ZNF850: variants seen among roughly 807,000 people sequenced by gnomAD.
ZNF850 encodes the protein putative zinc finger protein ENSP00000330994.
In ZNF850, 2 loss-of-function variants were observed where a neutral mutation model predicts 11.9. The ratio of observed to expected loss-of-function variants is 0.17; its 90% CI spans 0.07 to 0.53. The LOEUF (loss-of-function observed/expected upper bound fraction) is 0.53, where lower values mean the gene tolerates loss of function less well. ZNF850 is among the 20% of genes least tolerant of loss of function. The pLI is 0.94. For synonymous variants in ZNF850, 381 were observed against 443.0 expected, an observed-to-expected ratio of 0.86 and a Z score of 1.76; for missense variants, 1,014 against 1,316.4, an observed-to-expected ratio of 0.77 and a Z score of 3.55.
At chr19:36,753,075 G>A (rs1166988281) in intron 4 of ZNF850, among the ~76,000 whole-genome samples, 1 of 151,886 alleles carries the variant, frequency 6.6e-6, no homozygotes, top group Non-Finnish European at 1.5e-5. Context: ...TTCAAGACCA[G>A]CCTGGTCAAC....
Position 36,748,909 on chromosome 19 carries a change from TAA to T in ZNF850, c.2129_2130del (p.Phe710TyrfsTer15). 1 of 1,563,232 alleles carries T rather than the reference TAA, an allele frequency of 6.4e-7. No individual in the cohort carries two copies. On this transcript the variant is annotated frameshift_variant, in exon 5 of 5. Transcript: ENST00000591344. LOFTEE classifies it low-confidence loss of function (END_TRUNC). ...PYECKECGKS[F>X]TFCSGLIQHQ... Reference sequence around the variant, plus strand: ...TGTTGAATTAGTCCTGAGCAGAAAGTAAAAGATTTCCCACATTCTTTACATTC... The same window carrying T: ...TGTTGAATTAGTCCTGAGCAGAAAGTAAGATTTCCCACATTCTTTACATTC...
At chr19:36,755,015 G>A (rs900602995) in intron 4 of ZNF850, among the ~76,000 whole-genome samples, 1 of 152,126 alleles carries the variant, frequency 6.6e-6, no homozygotes, top group African/African-American at 2.4e-5. Flanking sequence ...ACAGGAACAC[G>A]TGAATCCCCA....
At position 36,747,674 on chromosome 19, in the gene ZNF850, A is replaced by G. The variant is rs2040420587; in HGVS notation, c.*93T>C. The G allele has an allele frequency of 3.2e-6, 4 of 1,248,322 alleles. No homozygotes were observed. In the East Asian group the frequency reaches 1.0e-4, roughly 32 times the overall value. The allele number at this position is 1,248,322 out of a possible 1,614,324, so 77.3% of individuals were successfully genotyped here. A position where few individuals can be genotyped will look rare whatever the true frequency, so the allele number is the denominator to read the frequency against. ...AAAGTCGTAATTCTGGAAAAAGTGA[A>G]TATGAAGTAATACACATCCATTGTA... is the stretch of plus-strand genomic sequence containing the variant. On this transcript the variant is annotated 3_prime_UTR_variant, in exon 5 of 5. Coordinates refer to ENST00000591344, the MANE Select transcript of ZNF850 (RefSeq NM_001193552.2).
At position 36,746,353 on chromosome 19, in the gene ZNF850, C is replaced by T. The variant is rs2040411381; in HGVS notation, c.*1414G>A. 1 of 152,176 alleles carries T rather than the reference C, an allele frequency of 6.6e-6. No individual in the cohort carries two copies. The highest frequency in any genetic ancestry group is 2.1e-4 in the South Asian group (1 of 4,826). The allele number at this position is 152,176 out of a possible 1,614,324, so 9.4% of individuals were successfully genotyped here. ...TAAGACAGCAAACTTAATTGATAAA[C>T]ATGGTGTGTGTTCTGACTACAAACT... On this transcript the variant is annotated 3_prime_UTR_variant, in exon 5 of 5. Transcript: ENST00000591344.
intron 4 of ZNF850, among the ~76,000 whole-genome samples, chr19:36,756,563 T>C (rs1438981911): frequency 6.6e-6 from 1 of 152,222 alleles, no homozygotes; most frequent in Non-Finnish European, 1.5e-5. Flanking sequence ...ATTTACTTCA[T>C]TTCCTTGAAT....
At chr19:36,767,108 G>A (rs187189507) in intron 1 of ZNF850, among the ~76,000 whole-genome samples, 110 of 152,072 alleles carry the variant, frequency 7.2e-4, no homozygotes, top group Non-Finnish European at 1.2e-3. Context: ...GTGGTGGCAG[G>A]TGCCTGTAAT....
In ZNF850 at chr19:36,748,936, C is replaced by T. The variant is rs2040432345; in HGVS notation, c.2104G>A (p.Glu702Lys). Residue 702 changes from glutamate to lysine, a missense_variant, in exon 5 of 5, where the codon GAA becomes AAA. By Grantham distance (56) the Glu-to-Lys change is moderately conservative. Around this residue, in one of 2 missense-constraint regions of ZNF850, gnomAD observed 835 missense variants for 1,022.0 expected, o/e 0.82. Transcript: ENST00000591344. ...RRIHTGEKPY[E>K]CKECGKSFTF... ...AAAGATTTCCCACATTCTTTACATT[C>T]ATAAGGTTTCTCACCAGTATGAATT... is the stretch of plus-strand genomic sequence containing the variant. The T allele has an allele frequency of 2.5e-6, 4 of 1,579,652 alleles. No homozygotes were observed. In the African/African-American group the frequency reaches 4.1e-5, roughly 16 times the overall value.
chr19:36,761,065 T>C (rs1360956032), intron 4 of ZNF850, among the ~76,000 whole-genome samples: 1 of 152,050 alleles, frequency 6.6e-6, no homozygotes, highest in Non-Finnish European at 1.5e-5. Context: ...ACAGGATGGC[T>C]CCCGAAGAAG....
In ZNF850 at chr19:36,749,567, T is replaced by C. The variant is rs773119466; in HGVS notation, c.1473A>G (p.Thr491=). The C allele has an allele frequency of 3.9e-6, 6 of 1,544,340 alleles. No individual in the cohort carries two copies. In the African/African-American group the frequency reaches 6.9e-5, roughly 18 times the overall value. ...ECGKSFTFRS[T]RNRHQRIHTG... is the part of the protein sequence containing the mutation. ...TGTGGATTCGCTGGTGTCGATTGCGTGTTGAGCGAAAAGTAAAAGATTTTC... is the reference window on the plus strand; with the variant it reads ...TGTGGATTCGCTGGTGTCGATTGCGCGTTGAGCGAAAAGTAAAAGATTTTC... Residue 491 remains threonine (T), a synonymous_variant, in exon 5 of 5, where the codon ACA becomes ACG. Coordinates refer to ENST00000591344, the MANE Select transcript of ZNF850 (RefSeq NM_001193552.2).
Position 36,757,994 on chromosome 19 carries a change from G to A in ZNF850, c.235+3649C>T, listed in dbSNP as rs2040496986. 2.6e-5 allele frequency among the ~76,000 whole-genome samples: 4 copies of A among 152,244 alleles called. No homozygotes were observed. The South Asian group carries it at 6.2e-4, about 24-fold the overall frequency. ...TAGTCACTGTGCCTGGCCAAAAAGTGAATTTTTCATTTTAATTTCAATTAC... is the reference window on the plus strand; with the variant it reads ...TAGTCACTGTGCCTGGCCAAAAAGTAAATTTTTCATTTTAATTTCAATTAC... On this transcript the variant is annotated intron_variant, in intron 4 of 4. Coordinates refer to ENST00000591344, the MANE Select transcript of ZNF850 (RefSeq NM_001193552.2).
At position 36,750,396 on chromosome 19, in the gene ZNF850, T is replaced by A. The variant is rs950994480; in HGVS notation, c.644A>T (p.His215Leu). The A allele has an allele frequency of 1.3e-6, 2 of 1,536,640 alleles. No individual in the cohort carries two copies. Among genetic ancestry groups the A allele is most frequent in the South Asian group, 2.4e-5 (2 of 84,064 alleles). The change falls in exon 5 of 5, where the codon CAT (histidine) becomes CTT (leucine). Residue 215 changes from histidine (H) to leucine (L), a missense_variant. This residue lies in a region of ZNF850 where 835 missense variants were observed against 1,022.0 expected (regional missense o/e 0.82). Coordinates refer to ENST00000591344, the MANE Select transcript of ZNF850 (RefSeq NM_001193552.2). The part of the protein sequence containing the change: ...AFHHFSYLVK[H>L]QRIHTGEKPC... ...CTTTTCCCCAGTATGAATTCTCTGATGTTTAACAAGATAGGAAAAGTGATG... is the reference window on the plus strand; with the variant it reads ...CTTTTCCCCAGTATGAATTCTCTGAAGTTTAACAAGATAGGAAAAGTGATG...
Position 36,750,653 on chromosome 19 carries a change from G to T in ZNF850, c.387C>A (p.His129Gln). The T allele has an allele frequency of 6.5e-7, 1 of 1,536,044 alleles. No individual in the cohort carries two copies. The highest frequency in any genetic ancestry group is 8.7e-7 in the Non-Finnish European group (1 of 1,146,916). The change falls in exon 5 of 5, where the codon CAC becomes CAA. Residue 129 changes from histidine (H) to glutamine (Q), a missense_variant. His to Gln is a conservative substitution (Grantham distance 24). This residue lies in a region of ZNF850 where 835 missense variants were observed against 1,022.0 expected (regional missense o/e 0.82). Transcript: ENST00000591344. Reference sequence around the variant, plus strand: ...AATATCGCTCCTGATTTATATCTTGGTGCTGAAACTGGCCTTTGCATTCCC... The same window carrying T: ...AATATCGCTCCTGATTTATATCTTGTTGCTGAAACTGGCCTTTGCATTCCC... Reference protein sequence around the residue: ...DDWECKGQFQHQDINQERYLE... With the variant: ...DDWECKGQFQQQDINQERYLE...
Position 36,746,061 on chromosome 19 carries a change from A to G in ZNF850, c.*1706T>C, listed in dbSNP as rs1021900143. On this transcript the variant is annotated 3_prime_UTR_variant, in exon 5 of 5. Transcript: ENST00000591344. ...CTTAGAATGACTTATCTGTCTAGGA[A>G]TGCAGTCCAGTAGGTTTCAGTGTTA... The G allele has an allele frequency of 6.6e-6, 1 of 152,182 alleles. No individual in the cohort carries two copies. The highest frequency in any genetic ancestry group is 1.5e-5 in the Non-Finnish European group (1 of 68,052). The allele number at this position is 152,182 out of a possible 1,614,324, so 9.4% of individuals were successfully genotyped here.
At chr19:36,760,990 AT>A (rs1337575774) in intron 4 of ZNF850, among the ~76,000 whole-genome samples, 2 of 152,196 alleles carry the variant, frequency 1.3e-5, no homozygotes, top group Non-Finnish European at 2.9e-5. Context: ...TGAAAAAAAA[AT>A]TTTTTAAAGC....
chr19:36,771,086 G>A (rs1356622313), intron 1 of ZNF850, among the ~76,000 whole-genome samples: 1 of 152,220 alleles, frequency 6.6e-6, no homozygotes, highest in Non-Finnish European at 1.5e-5. Flanking sequence ...AATCTCTGCA[G>A]CAATTGAGTT....
In ZNF850 at chr19:36,748,642, G is replaced by A. The variant is rs1055867910; in HGVS notation, c.2398C>T (p.Leu800=). ...GTGTGAAGTGGCTGATGTTGAATTAGTGTTGAATGAGAAGTAAAAGATTTC... is the reference window on the plus strand; with the variant it reads ...GTGTGAAGTGGCTGATGTTGAATTAATGTTGAATGAGAAGTAAAAGATTTC... ...CGKSFTSHST[L]IQHQPLHTGE... is the part of the protein sequence containing the mutation. The change falls in exon 5 of 5, where the codon CTA becomes TTA. Residue 800 remains leucine (L), a synonymous_variant. Transcript: ENST00000591344. The A allele has an allele frequency of 6.5e-7, 1 of 1,537,288 alleles. No individual in the cohort carries two copies. Among genetic ancestry groups the A allele is most frequent in the Non-Finnish European group, 8.7e-7 (1 of 1,146,966 alleles).
chr19:36,771,326 T>C, intron 1 of ZNF850, among the ~76,000 whole-genome samples: 1 of 152,132 alleles, frequency 6.6e-6, no homozygotes, highest in Non-Finnish European at 1.5e-5. Flanking sequence ...ACTACCCAGC[T>C]TGGCCCTGGG....
Position 36,750,104 on chromosome 19 carries a change from C to T in ZNF850, c.936G>A (p.Lys312=), listed in dbSNP as rs928861314. 13 of 1,537,580 alleles carry T rather than the reference C, an allele frequency of 8.5e-6. No individual in the cohort carries two copies. Among genetic ancestry groups the T allele is most frequent in the Non-Finnish European group, 1.1e-5 (13 of 1,146,708 alleles). The change falls in exon 5 of 5, where the codon AAG becomes AAA. Residue 312 remains lysine, a synonymous_variant. Coordinates refer to ENST00000591344, the MANE Select transcript of ZNF850 (RefSeq NM_001193552.2). The stretch of plus-strand genomic sequence containing the variant: ...CAACAGTAAAAGATTTTCCACATTG[C>T]TTACAATGATAGGGTTTCTCACCAG... ...IHTGEKPYHC[K]QCGKSFTVGS... is the part of the protein sequence containing the mutation.
At chr19:36,764,062 T>C (rs951979369) in intron 1 of ZNF850, among the ~76,000 whole-genome samples, 4 of 151,670 alleles carry the variant, frequency 2.6e-5, no homozygotes, top group African/African-American at 9.7e-5. Context: ...CCGGCCAACA[T>C]GGTGAAACCC....
Sources: allele counts gnomAD v4.1 joint callset (sites outside exome capture counted in the v4.1 genomes callset), GRCh38; gene constraint gnomAD v4.1.1; regional missense constraint gnomAD v4.1.1; transcripts MANE v1.5; gene names NCBI Gene and HGNC (gene_info 2026-07-23, HGNC 2026-07-21).